Variants in MAGI1 observed in about 807,000 individuals in gnomAD.
MAGI1 encodes the protein membrane associated guanylate kinase, WW and PDZ domain containing 1, also known as membrane-associated guanylate kinase, WW and PDZ domain-containing protein 1.
In MAGI1, 58 loss-of-function variants were observed where a neutral mutation model predicts 139.9. The ratio of observed to expected loss-of-function variants is 0.41; its 90% confidence interval spans 0.34 to 0.52. The LOEUF (loss-of-function observed/expected upper bound fraction) is 0.52. Ranked by LOEUF, MAGI1 falls within the 20% of genes least tolerant of loss-of-function variation. The probability of loss-of-function intolerance (pLI) is 0.12; values close to 1 mark genes in which losing one functional copy is unlikely to be tolerated. For missense variants in MAGI1, 1,874 were observed against 1,901.6 expected (o/e 0.99, Z 0.27); for synonymous variants, 812 against 737.9 (o/e 1.10, Z -1.63).
chr3:66,038,681 T>G lies in MAGI1; in HGVS notation c.-373A>C. 2 of 180,088 alleles carry G rather than the reference T, an allele frequency of 1.1e-5. No homozygotes were observed. Among genetic ancestry groups the G allele is most frequent in the East Asian group, 1.5e-4 (1 of 6,642 alleles). 11.2% of individuals were successfully genotyped at this position (180,088 alleles called of 1,614,324 possible). A position where few individuals can be genotyped will look rare whatever the true frequency, so the allele number is the denominator to read the frequency against. On this transcript the variant is annotated 5_prime_UTR_variant, in exon 1 of 23. Coordinates refer to ENST00000402939, the MANE Select transcript of MAGI1 (RefSeq NM_001033057.2). Reference sequence around the variant, plus strand: ...CTTTTACAAATGCGGTGCCTCCTCTTTGCCTCCCGCCCGGCTCGCCTCTCC... The same window carrying G: ...CTTTTACAAATGCGGTGCCTCCTCTGTGCCTCCCGCCCGGCTCGCCTCTCC...
In MAGI1 at chr3:65,429,753, T is replaced by C; in HGVS notation, c.1934A>G (p.His645Arg). ...IATQPELITV[H>R]IVKGPMGFGF... ...AAAGCCCATTGGCCCTTTGACAATA[T>C]GAACAGTTATGAGTTCTGGCTGAGT... Residue 645 changes from histidine to arginine, a missense_variant, in exon 12 of 23, where the codon CAT (histidine) becomes CGT (arginine). Physicochemically the swap from His to Arg is conservative, Grantham distance 29 (BLOSUM62 0). Transcript: ENST00000402939. 2 of 1,613,994 alleles carry C rather than the reference T, an allele frequency of 1.2e-6. No homozygotes were observed. Among genetic ancestry groups the C allele is most frequent in the Non-Finnish European group, 1.7e-6 (2 of 1,179,960 alleles).
chr3:65,594,574 A>C (rs1199827610), intron 2 of MAGI1, among the ~76,000 whole-genome samples: 1 of 152,188 alleles, frequency 6.6e-6, no homozygotes, highest in African/African-American at 2.4e-5. Flanking sequence ...CAGACATCTC[A>C]AAAAATGCTA....
intron 12 of MAGI1, among the ~76,000 whole-genome samples, chr3:65,427,291 G>A (rs1292809601): frequency 6.6e-6 from 1 of 152,050 alleles, no homozygotes; most frequent in East Asian, 1.9e-4. Flanking sequence ...CAGCCTGGGT[G>A]ACAAAGTGAG....
intron 1 of MAGI1, among the ~76,000 whole-genome samples, chr3:65,695,743 T>A (rs568547683): frequency 6.6e-6 from 1 of 152,326 alleles, no homozygotes; most frequent in African/African-American, 2.4e-5. Flanking sequence ...AGACTTCATT[T>A]GCTGTGCAGA....
At chr3:65,980,933 C>G (rs1482332615) in intron 1 of MAGI1, among the ~76,000 whole-genome samples, 3 of 151,954 alleles carry the variant, frequency 2.0e-5, no homozygotes, top group Non-Finnish European at 2.9e-5. Context: ...CCAAAGCAGG[C>G]AGATCACTTG....
intron 1 of MAGI1, among the ~76,000 whole-genome samples, chr3:66,009,816 CA>C (rs1279428825): frequency 1.3e-5 from 2 of 151,996 alleles, no homozygotes; most frequent in Non-Finnish European, 2.9e-5. Context: ...TCCATAATCC[CA>C]GCACTTTGGG....
chr3:65,486,882 A>C (rs1367828025), intron 3 of MAGI1, among the ~76,000 whole-genome samples: 1 of 152,136 alleles, frequency 6.6e-6, no homozygotes, highest in Non-Finnish European at 1.5e-5. Flanking sequence ...TATTTTCACA[A>C]ATGGTACCAC....
intron 2 of MAGI1, among the ~76,000 whole-genome samples, chr3:65,598,261 G>T (rs1163519094): frequency 6.6e-6 from 1 of 152,204 alleles, no homozygotes; most frequent in Non-Finnish European, 1.5e-5. Context: ...TCCCTGCTGG[G>T]GCGTGTCAGG....
At chr3:65,663,793 A>G (rs181338551) in intron 1 of MAGI1, among the ~76,000 whole-genome samples, 1 of 152,174 alleles carries the variant, frequency 6.6e-6, no homozygotes, top group East Asian at 1.9e-4. Flanking sequence ...CTTTGACCTA[A>G]ACCCACTAGG....
chr3:65,750,979 G>C (rs944654906), intron 1 of MAGI1, among the ~76,000 whole-genome samples: 9 of 152,214 alleles, frequency 5.9e-5, no homozygotes, highest in African/African-American at 1.9e-4. Flanking sequence ...CCAGGCAAGT[G>C]ATTCAACTTC....
intron 1 of MAGI1, among the ~76,000 whole-genome samples, chr3:65,897,880 A>T (rs1052594212): frequency 7.2e-5 from 9 of 124,312 alleles, no homozygotes; most frequent in Admixed American, 6.6e-4. Flanking sequence ...TAAAAAAAGA[A>T]AGAAAGGAAA....
Position 65,383,625 on chromosome 3 carries a change from T to C in MAGI1, c.2417-2A>G. 1.3e-6 allele frequency: 2 copies of C among 1,579,444 alleles called. No individual in the cohort carries two copies. The highest frequency in any genetic ancestry group is 1.7e-6 in the Non-Finnish European group (2 of 1,148,474). ...TGTCCTGTTCCTGGTAATCTGGAACTGCAGAGAGGGGAGAAAAAAGAGAAG... is the reference window on the plus strand; with the variant it reads ...TGTCCTGTTCCTGGTAATCTGGAACCGCAGAGAGGGGAGAAAAAAGAGAAG... On this transcript the variant is annotated splice_acceptor_variant, in intron 14 of 22. Coordinates refer to ENST00000402939, the MANE Select transcript of MAGI1 (RefSeq NM_001033057.2). LOFTEE classifies it high-confidence loss of function.
intron 12 of MAGI1, among the ~76,000 whole-genome samples, chr3:65,415,080 T>C (rs896935891): frequency 5.3e-5 from 8 of 150,670 alleles, no homozygotes; most frequent in South Asian, 2.1e-4. Flanking sequence ...ATCTTTCATA[T>C]TGGAAAATCT....
intron 2 of MAGI1, among the ~76,000 whole-genome samples, chr3:65,585,202 C>T (rs150207717): frequency 7.2e-5 from 11 of 152,290 alleles, no homozygotes; most frequent in African/African-American, 2.6e-4. Context: ...CCAGATCTGT[C>T]CAACTCCTAT....
At chr3:65,557,008 T>A (rs1245285008) in intron 2 of MAGI1, among the ~76,000 whole-genome samples, 1 of 152,168 alleles carries the variant, frequency 6.6e-6, no homozygotes, top group Non-Finnish European at 1.5e-5. Context: ...TTCCACCTAT[T>A]TATTCTTTGT....
intron 1 of MAGI1, among the ~76,000 whole-genome samples, chr3:66,002,448 A>C (rs2066793921): frequency 6.6e-6 from 1 of 152,012 alleles, no homozygotes; most frequent in East Asian, 1.9e-4. Context: ...GGTGGTGAAG[A>C]TCTCTGTCTT....
chr3:65,744,227 C>CAT (rs1449048536), intron 1 of MAGI1, among the ~76,000 whole-genome samples: 1 of 152,168 alleles, frequency 6.6e-6, no homozygotes, highest in Non-Finnish European at 1.5e-5. Flanking sequence ...CTAAATGCCC[C>CAT]ATATCAGAGA....
chr3:65,530,927 G>T (rs776228687), intron 2 of MAGI1, among the ~76,000 whole-genome samples: 1 of 149,044 alleles, frequency 6.7e-6, no homozygotes, highest in African/African-American at 2.5e-5. Flanking sequence ...GTTGGAATCC[G>T]CATTGGCTCT....
chr3:65,478,917 C>A, intron 3 of MAGI1, 119 bp from the exon 4 acceptor site: 1 of 731,482 alleles, frequency 1.4e-6, no homozygotes. Flanking sequence ...AAAACCAGAA[C>A]AAACTGTATT....
Sources: gnomAD v4.1 joint callset for allele counts (sites outside exome capture counted in the v4.1 genomes callset) on GRCh38, gnomAD v4.1.1 for gene constraint, MANE v1.5 for transcripts, NCBI Gene and HGNC (gene_info 2026-07-23, HGNC 2026-07-21) for gene names.